PAH: variants seen among roughly 807,000 people sequenced by gnomAD.
PAH encodes the protein phenylalanine hydroxylase.
PAH carries 64 observed loss-of-function variants against 62.0 expected under a neutral mutation model. The ratio of observed to expected loss-of-function variants is 1.03; its 90% CI spans 0.84 to 1.27. PAH has a LOEUF of 1.27. Ranked by LOEUF, PAH falls within the 50% of genes most tolerant of loss-of-function variation. PAH has a pLI of 0.00. For synonymous variants in PAH, 195 were observed against 196.2 expected (o/e 0.99, Z 0.05); for missense variants, 579 against 542.8 (o/e 1.07, Z -0.66).
At chr12:102,875,978 G>A (rs929512987) in intron 4 of PAH, among the ~76,000 whole-genome samples, 2 of 151,174 alleles carry the variant, frequency 1.3e-5, no homozygotes, top group African/African-American at 4.9e-5. Flanking sequence ...AGGAAGGATG[G>A]AGGCACACCC....
At position 102,839,253 on chromosome 12, in the gene PAH, G is replaced by A. The variant is rs62509021; in HGVS notation, c.1316-35C>T. ...AAAACACCATCAAAATGGGCCACTT[G>A]TATAATAAGCAAAAACTCTTCAAGT... On this transcript the variant is annotated intron_variant, in intron 12 of 12. Transcript: ENST00000553106. 35,028 of 1,607,542 alleles carry A rather than the reference G, an allele frequency of 0.022. 478 individuals are homozygous for A. The highest frequency in any genetic ancestry group is 0.025 in the Non-Finnish European group (29,852 of 1,174,302).
At chr12:102,895,864 A>AC (rs1194946087) in intron 2 of PAH, among the ~76,000 whole-genome samples, 1 of 138,806 alleles carries the variant, frequency 7.2e-6, no homozygotes, top group East Asian at 2.0e-4. Flanking sequence ...CAAAAAAAAA[A>AC]AAAAAATATA....
chr12:102,899,358 C>T (rs1025779891), intron 2 of PAH, among the ~76,000 whole-genome samples: 6 of 152,174 alleles, frequency 3.9e-5, no homozygotes, highest in Non-Finnish European at 8.8e-5. Flanking sequence ...TACCCCACCC[C>T]TGGAAGCATC....
intron 3 of PAH, among the ~76,000 whole-genome samples, chr12:102,885,509 G>T (rs768100289): frequency 1.3e-5 from 2 of 152,196 alleles, no homozygotes; most frequent in African/African-American, 4.8e-5. Context: ...TCTGTGGAGC[G>T]GAGGCACCCG....
At chr12:102,915,384 A>G (rs1004392946) in intron 1 of PAH, among the ~76,000 whole-genome samples, 23 of 152,332 alleles carry the variant, frequency 1.5e-4, no homozygotes, top group African/African-American at 5.5e-4. Flanking sequence ...AAGGGAGAAA[A>G]TAACTCACCT....
At chr12:102,871,949 A>AAAAAT (rs1876359198) in intron 4 of PAH, among the ~76,000 whole-genome samples, 4 of 30,334 alleles carry the variant, frequency 1.3e-4, no homozygotes, top group African/African-American at 6.4e-4. Flanking sequence ...AAAAAAAAAA[A>AAAAAT]ATATATATAT....
At chr12:102,840,554 T>C in intron 11 of PAH, 39 bp from the exon 12 acceptor site, 2 of 1,368,486 alleles carry the variant, frequency 1.5e-6, no homozygotes, top group Non-Finnish European at 2.1e-6. Flanking sequence ...AGGGCACCAT[T>C]TGGAGAAAGG....
At chr12:102,863,562 C>T (rs1565851926) in intron 5 of PAH, among the ~76,000 whole-genome samples, 1 of 152,160 alleles carries the variant, frequency 6.6e-6, no homozygotes, top group Non-Finnish European at 1.5e-5. Flanking sequence ...TCAGTGGACT[C>T]AATGCCAGAA....
At chr12:102,904,809 G>A (rs185113258) in intron 2 of PAH, 6,664 of 484,404 alleles carry the variant, frequency 0.014, 64 homozygotes, top group Non-Finnish European at 0.021. Context: ...GTAAACACCC[G>A]AGTAGACTAT....
intron 1 of PAH, among the ~76,000 whole-genome samples, chr12:102,956,066 G>C (rs1286201956): frequency 1.3e-5 from 2 of 152,076 alleles, no homozygotes; most frequent in African/African-American, 4.8e-5. Flanking sequence ...CAGCTCCCTG[G>C]GTCATCCCCT....
rs763115697 is a variant in PAH at position 102,846,930 on chromosome 12, C to T, written c.934G>A (p.Gly312Ser). ...TTTTCAATGTATTCATCAGGTGCAC[C>T]CAGAGAGGCAAGGCCAATTTCCTGT... is the stretch of plus-strand genomic sequence containing the variant. ...FSQEIGLASL[G>S]APDEYIEKLA... The change falls in exon 9 of 13, where the codon GGT becomes AGT. Residue 312 changes from glycine (G) to serine (S), a missense_variant. Coordinates refer to ENST00000553106, the MANE Select transcript of PAH (RefSeq NM_000277.3). 3 of 1,613,602 alleles carry T rather than the reference C, an allele frequency of 1.9e-6. No individual in the cohort carries two copies. Among genetic ancestry groups the T allele is most frequent in the Non-Finnish European group, 2.5e-6 (3 of 1,179,688 alleles).
Position 102,882,642 on chromosome 12 carries a change from CTATATATATATATA to C in PAH, c.353-5106_353-5093del, listed in dbSNP as rs869088873. 6.3e-3 allele frequency among the ~76,000 whole-genome samples: 540 copies of C among 85,864 alleles called. 6 individuals are homozygous for C. The highest frequency in any genetic ancestry group is 0.027 in the African/African-American group (500 of 18,650). The allele number at this position is 85,864 out of a possible 152,430, so 56.3% of individuals were successfully genotyped here. A position where few individuals can be genotyped will look rare whatever the true frequency, so the allele number is the denominator to read the frequency against. On this transcript the variant is annotated intron_variant, in intron 3 of 12. Transcript: ENST00000553106. ...CTGTATATATATGCATATATATACACTATATATATATATATATATATATATATATATATAAAATT... is the reference window on the plus strand; with the variant it reads ...CTGTATATATATGCATATATATACACTATATATATATATATATATAAAATT...
At chr12:102,870,227 C>A (rs891571432) in intron 4 of PAH, among the ~76,000 whole-genome samples, 3 of 152,170 alleles carry the variant, frequency 2.0e-5, no homozygotes, top group African/African-American at 7.2e-5. Flanking sequence ...TTTATTCCAT[C>A]ATTTCCTAAT....
chr12:102,878,864 C>T (rs1352044880), intron 3 of PAH, among the ~76,000 whole-genome samples: 11 of 152,056 alleles, frequency 7.2e-5, no homozygotes, highest in South Asian at 4.2e-4. Context: ...ACCCCTCTTG[C>T]GCGGGTAAGA....
In PAH at chr12:102,931,446, T is replaced by C. The variant is rs1302180357; in HGVS notation, c.-95-14221A>G. Among the ~76,000 whole-genome samples the C allele has an allele frequency of 2.6e-5, 4 of 152,110 alleles. No individual in the cohort carries two copies. In the East Asian group the frequency reaches 5.8e-4, roughly 22 times the overall value. ...CCCTGACTGCCTTGAGGGTTGATGA[T>C]GATGGTTAGGAAAGGAAGATGATTC... On this transcript the variant is annotated intron_variant, in intron 1 of 3. Coordinates refer to the PAH transcript ENST00000546844.
chr12:102,929,545 A>G (rs1878787101), intron 1 of PAH, among the ~76,000 whole-genome samples: 1 of 152,102 alleles, frequency 6.6e-6, no homozygotes, highest in East Asian at 1.9e-4. Context: ...AGGAACTTTT[A>G]TCTTTATCCT....
chr12:102,855,415 G>T, intron 5 of PAH, 83 bp from the exon 6 acceptor site: 2 of 1,055,766 alleles, frequency 1.9e-6, no homozygotes, highest in South Asian at 1.3e-5. Context: ...GGGAGTCGGG[G>T]ACCAGAACCT....
In PAH at chr12:102,838,215, A is replaced by G. The variant is rs1400462866; in HGVS notation, c.*960T>C. 2.0e-5 allele frequency: 3 copies of G among 152,166 alleles called. No homozygotes were observed. The highest frequency in any genetic ancestry group is 4.4e-5 in the Non-Finnish European group (3 of 68,036). 9.4% of individuals were successfully genotyped at this position (152,166 alleles called of 1,614,324 possible). On this transcript the variant is annotated 3_prime_UTR_variant, in exon 13 of 13. Transcript: ENST00000553106. ...AAGGAGCCCCTGCAAAGGGTTGGAG[A>G]TATGAGCCTCTGGCCATTTTCTCAT...
chr12:102,840,385 G>A lies in PAH; in HGVS notation c.1315+15C>T. The A allele has an allele frequency of 6.7e-7, 1 of 1,489,748 alleles. No homozygotes were observed. Among genetic ancestry groups the A allele is most frequent in the Non-Finnish European group, 9.4e-7 (1 of 1,066,844 alleles). 92.3% of individuals were successfully genotyped at this position (1,489,748 alleles called of 1,614,324 possible). The stretch of plus-strand genomic sequence containing the variant: ...CTGAGAAACCGAGTGGCCTCGTAAG[G>A]TGTAAATTACTTACTGTTAATGGAA... On this transcript the variant is annotated intron_variant, in intron 12 of 12. Transcript: ENST00000553106.
Sources: gnomAD v4.1 joint callset for allele counts (sites outside exome capture counted in the v4.1 genomes callset) on GRCh38, gnomAD v4.1.1 for gene constraint, MANE v1.5 for transcripts, NCBI Gene and HGNC (gene_info 2026-07-23, HGNC 2026-07-21) for gene names.